Variants in CASD1 observed in about 807,000 individuals in gnomAD.
CASD1 encodes CAS1 domain sialic acid O acetyltransferase 1, also known as N-acetylneuraminate (7)9-O-acetyltransferase.
In CASD1, 41 loss-of-function variants were observed where a neutral mutation model predicts 100.0. That is an observed-to-expected ratio of 0.41 (90% CI 0.32 to 0.53). The LOEUF is 0.53. Ranked by LOEUF, CASD1 falls within the 20% of genes least tolerant of loss-of-function variation. The pLI, the probability that CASD1 is intolerant of heterozygous loss-of-function variation, is 0.25. For synonymous variants in CASD1, 321 were observed against 315.6 expected, an observed-to-expected ratio of 1.02 and a Z score of -0.18; for missense variants, 774 against 948.7, an observed-to-expected ratio of 0.82 and a Z score of 2.42.
In CASD1 at chr7:94,510,023, G is replaced by T. The variant is rs1793606798; in HGVS notation, c.-62G>T. The T allele has an allele frequency of 1.4e-6, 2 of 1,435,872 alleles. No individual in the cohort carries two copies. The highest frequency in any genetic ancestry group is 3.0e-5 in the East Asian group (1 of 32,970). The allele number at this position is 1,435,872 out of a possible 1,614,324, so 88.9% of individuals were successfully genotyped here. A position where few individuals can be genotyped will look rare whatever the true frequency, so the allele number is the denominator to read the frequency against. On this transcript the variant is annotated 5_prime_UTR_variant, in exon 1 of 18. Transcript: ENST00000297273. Reference sequence around the variant, plus strand: ...TGGCTGCAGCGGCGGCAGCCCCAGTGCTGCCCCTGTGCGGCGCCCCTTTCC... The same window carrying T: ...TGGCTGCAGCGGCGGCAGCCCCAGTTCTGCCCCTGTGCGGCGCCCCTTTCC...
chr7:94,611,728 G>A, the CASD1 span, among the ~76,000 whole-genome samples: 1 of 152,144 alleles, frequency 6.6e-6, no homozygotes, highest in African/African-American at 2.4e-5. Context: ...TCAAAGCTAT[G>A]TAAATGTAAA....
the CASD1 span, among the ~76,000 whole-genome samples, chr7:94,581,551 C>A: frequency 6.6e-6 from 1 of 152,088 alleles, no homozygotes; most frequent in South Asian, 2.1e-4. Context: ...TCCAACAGGT[C>A]CCTGTGTGTG....
chr7:94,596,292 T>G, the CASD1 span, among the ~76,000 whole-genome samples: 1 of 152,106 alleles, frequency 6.6e-6, no homozygotes, highest in Non-Finnish European at 1.5e-5. Context: ...AAAATACTTT[T>G]TAAGGAGCTA....
the CASD1 span, among the ~76,000 whole-genome samples, chr7:94,606,425 T>G: frequency 1.3e-5 from 2 of 152,136 alleles, no homozygotes; most frequent in African/African-American, 4.8e-5. Flanking sequence ...TTTAAGAACA[T>G]AAATCACTCC....
At chr7:94,618,916 A>T in the CASD1 span, 2 of 1,613,986 alleles carry the variant, frequency 1.2e-6, no homozygotes, top group East Asian at 4.5e-5. Context: ...CTACATTCAT[A>T]TTCTTAATGA....
intron 1 of CASD1, among the ~76,000 whole-genome samples, chr7:94,515,185 T>G (rs2106592): frequency 0.58 from 87,752 of 151,848 alleles, 25,491 homozygotes; most frequent in South Asian, 0.73. Flanking sequence ...AACTGGTACA[T>G]TTCCTGTCTT....
the CASD1 span, chr7:94,603,548 AG>A: frequency 6.9e-6 from 8 of 1,153,190 alleles, no homozygotes; most frequent in Non-Finnish European, 9.0e-6. Flanking sequence ...TTTTGAATTG[AG>A]AGATTAACTA....
At chr7:94,557,991 C>T (rs1475222627), downstream of CASD1, among the ~76,000 whole-genome samples, 2 of 152,026 alleles carry the variant, frequency 1.3e-5, no homozygotes, top group Admixed American at 6.6e-5. Context: ...TTTAGATATG[C>T]TAAAGTTGAG....
At position 94,510,027 on chromosome 7, in the gene CASD1, C is replaced by T; in HGVS notation, c.-58C>T. 1.4e-6 allele frequency: 2 copies of T among 1,446,740 alleles called. No individual in the cohort carries two copies. The highest frequency in any genetic ancestry group is 1.8e-6 in the Non-Finnish European group (2 of 1,089,008). The allele number at this position is 1,446,740 out of a possible 1,614,324, so 89.6% of individuals were successfully genotyped here. A position where few individuals can be genotyped will look rare whatever the true frequency, so the allele number is the denominator to read the frequency against. On this transcript the variant is annotated 5_prime_UTR_variant, in exon 1 of 18. Transcript: ENST00000297273. Reference sequence around the variant, plus strand: ...TGCAGCGGCGGCAGCCCCAGTGCTGCCCCTGTGCGGCGCCCCTTTCCCGCT... The same window carrying T: ...TGCAGCGGCGGCAGCCCCAGTGCTGTCCCTGTGCGGCGCCCCTTTCCCGCT...
chr7:94,609,068 G>A, the CASD1 span, among the ~76,000 whole-genome samples: 1 of 151,990 alleles, frequency 6.6e-6, no homozygotes, highest in Non-Finnish European at 1.5e-5. Context: ...TGACAAGATG[G>A]ACTTAATTAA....
chr7:94,558,786 CTTATT>C (rs1050960198), downstream of CASD1, among the ~76,000 whole-genome samples: 15 of 151,896 alleles, frequency 9.9e-5, no homozygotes, highest in Admixed American at 8.5e-4. Context: ...GAATAGATTT[CTTATT>C]TTATTTAATT....
chr7:94,598,922 T>G, the CASD1 span: 3 of 1,613,980 alleles, frequency 1.9e-6, no homozygotes, highest in Non-Finnish European at 2.5e-6. Flanking sequence ...TCGAAGCTCC[T>G]TGGTAGATTT....
rs752802503 is a variant in CASD1 at position 94,528,261 on chromosome 7, A to T, written c.459+11A>T. On this transcript the variant is annotated intron_variant, in intron 5 of 17. Coordinates refer to ENST00000297273, the MANE Select transcript of CASD1 (RefSeq NM_022900.5). ...AAAGTGTGGACTGAGGTCTGTATTT[A>T]AAAAACATAGGCTTTTTTTTTTTTT... 1 of 1,539,502 alleles carries T rather than the reference A, an allele frequency of 6.5e-7. No homozygotes were observed. Among genetic ancestry groups the T allele is most frequent in the South Asian group, 1.2e-5 (1 of 81,774 alleles).
chr7:94,553,182 A>G (rs567098169), intron 16 of CASD1: 1 of 445,144 alleles, frequency 2.2e-6, no homozygotes, highest in Non-Finnish European at 4.4e-6. Flanking sequence ...AATTATTTAC[A>G]ATGTTTCTTT....
chr7:94,595,020 C>T, the CASD1 span, among the ~76,000 whole-genome samples: 672 of 152,134 alleles, frequency 4.4e-3, 4 homozygotes, highest in African/African-American at 0.015. Context: ...GGTCAATGAC[C>T]GACACTATCT....
chr7:94,517,730 CAG>C, intron 2 of CASD1, 74 bp downstream of exon 2: 1 of 846,712 alleles, frequency 1.2e-6, no homozygotes, highest in South Asian at 1.6e-5. Context: ...GTTGGTGAAA[CAG>C]TACTTTTCAT....
At chr7:94,570,569 A>G in the CASD1 span, among the ~76,000 whole-genome samples, 1 of 152,088 alleles carries the variant, frequency 6.6e-6, no homozygotes, top group Admixed American at 6.6e-5. Context: ...ATCTCGGCTC[A>G]CTGCAACATC....
chr7:94,588,193 C>T, the CASD1 span: 1 of 1,072,402 alleles, frequency 9.3e-7, no homozygotes, highest in Non-Finnish European at 1.1e-6. Context: ...GAATTGTCCG[C>T]CATCTTGTTG....
At chr7:94,563,213 A>G in the CASD1 span, among the ~76,000 whole-genome samples, 1 of 152,174 alleles carries the variant, frequency 6.6e-6, no homozygotes, top group South Asian at 2.1e-4. Flanking sequence ...TGGACCACAC[A>G]AGAAAAGTGG....
Sources: gnomAD v4.1 joint callset for allele counts (sites outside exome capture counted in the v4.1 genomes callset) on GRCh38, gnomAD v4.1.1 for gene constraint, MANE v1.5 for transcripts, NCBI Gene and HGNC (gene_info 2026-07-23, HGNC 2026-07-21) for gene names.